Variants in SH3BGRL2 observed in about 807,000 individuals in gnomAD.
SH3BGRL2 encodes SH3 domain binding glutamate rich protein like 2.
In SH3BGRL2, 21 loss-of-function variants were observed where a neutral mutation model predicts 14.8. That is an observed-to-expected ratio of 1.42 (90% CI 1.01 to 2.05). SH3BGRL2 has a LOEUF of 2.05. Among genes scored for constraint, SH3BGRL2 ranks in the 30% most tolerant of loss-of-function variants. The pLI is 0.00. For synonymous variants in SH3BGRL2, 50 were observed against 47.8 expected, an observed-to-expected ratio of 1.05 and a Z score of -0.19; for missense variants, 147 against 130.8, an observed-to-expected ratio of 1.12 and a Z score of -0.61.
At chr6:79,686,988 A>G (rs569394140) in intron 2 of SH3BGRL2, among the ~76,000 whole-genome samples, 11 of 152,288 alleles carry the variant, frequency 7.2e-5, no homozygotes, top group Non-Finnish European at 1.5e-4. Context: ...GGGTGACCAC[A>G]GACTGTGCTG....
chr6:79,689,049 G>A (rs371032273), intron 2 of SH3BGRL2, among the ~76,000 whole-genome samples: 11 of 152,074 alleles, frequency 7.2e-5, no homozygotes, highest in Non-Finnish European at 1.2e-4. Context: ...AAAACATGGC[G>A]TGTCATTAAT....
At chr6:79,672,813 C>T (rs191771646) in intron 1 of SH3BGRL2, among the ~76,000 whole-genome samples, 2 of 152,210 alleles carry the variant, frequency 1.3e-5, no homozygotes, top group African/African-American at 4.8e-5. Flanking sequence ...TCCTCAAGAG[C>T]ACATCTGACC....
At chr6:79,655,288 C>T (rs1308130988) in intron 1 of SH3BGRL2, among the ~76,000 whole-genome samples, 3 of 152,098 alleles carry the variant, frequency 2.0e-5, no homozygotes, top group Non-Finnish European at 4.4e-5. Context: ...CGTGGTTCCC[C>T]TAAACTACTT....
the SH3BGRL2 span, among the ~76,000 whole-genome samples, chr6:79,572,657 G>A: frequency 6.6e-6 from 1 of 152,000 alleles, no homozygotes; most frequent in African/African-American, 2.4e-5. Flanking sequence ...AGCAGAGATG[G>A]GGTTTCACTG....
chr6:79,693,900 G>A (rs766685321), intron 2 of SH3BGRL2, among the ~76,000 whole-genome samples: 58 of 152,206 alleles, frequency 3.8e-4, no homozygotes, highest in Non-Finnish European at 7.2e-4. Context: ...GACCAACGTG[G>A]AAAAATTGAG....
At chr6:79,537,881 C>T in the SH3BGRL2 span, among the ~76,000 whole-genome samples, 1 of 152,042 alleles carries the variant, frequency 6.6e-6, no homozygotes, top group African/African-American at 2.4e-5. Flanking sequence ...CAGGAGGATG[C>T]GGGGTGAGTG....
At chr6:79,650,360 T>C (rs143841192) in intron 1 of SH3BGRL2, among the ~76,000 whole-genome samples, 7 of 152,218 alleles carry the variant, frequency 4.6e-5, no homozygotes, top group African/African-American at 1.7e-4. Context: ...AAAGTACCGA[T>C]GAGATGACCA....
chr6:79,641,353 C>G (rs1769031213), intron 1 of SH3BGRL2, among the ~76,000 whole-genome samples: 1 of 152,160 alleles, frequency 6.6e-6, no homozygotes, highest in Non-Finnish European at 1.5e-5. Context: ...TTATGAGAAA[C>G]AAACTGCTTA....
At chr6:79,565,894 C>A in the SH3BGRL2 span, among the ~76,000 whole-genome samples, 1 of 152,228 alleles carries the variant, frequency 6.6e-6, no homozygotes, top group Non-Finnish European at 1.5e-5. Context: ...TCAACTGCCA[C>A]AAGGCAGCCA....
chr6:79,650,854 T>A (rs931578653), intron 1 of SH3BGRL2, among the ~76,000 whole-genome samples: 1 of 151,518 alleles, frequency 6.6e-6, no homozygotes, highest in Non-Finnish European at 1.5e-5. Flanking sequence ...TTATGCCTAC[T>A]ATGGAAATGT....
At position 79,696,489 on chromosome 6, in the gene SH3BGRL2, A is replaced by G. The variant is rs781347863; in HGVS notation, c.236A>G (p.Tyr79Cys). The G allele has an allele frequency of 1.3e-6, 2 of 1,577,782 alleles. No homozygotes were observed. Reference protein sequence around the residue: ...IFNGDRYCGDYDSFFESKESN... With the variant: ...IFNGDRYCGDCDSFFESKESN... ...TCTGCTTCCCTTTTTTTCTAGGATTATGACAGTTTTTTTGAATCCAAGGAA... is the reference window on the plus strand; with the variant it reads ...TCTGCTTCCCTTTTTTTCTAGGATTGTGACAGTTTTTTTGAATCCAAGGAA... The change falls in exon 3 of 4, where the codon TAT (tyrosine) becomes TGT (cysteine). Residue 79 changes from tyrosine to cysteine, a missense_variant. Transcript: ENST00000369838.
At chr6:79,605,612 A>C in the SH3BGRL2 span, among the ~76,000 whole-genome samples, 1 of 152,194 alleles carries the variant, frequency 6.6e-6, no homozygotes, top group East Asian at 1.9e-4. Flanking sequence ...CCTAATTTCA[A>C]ATTTTAAGTG....
In SH3BGRL2 at chr6:79,682,966, T is replaced by C. The variant is rs180950837; in HGVS notation, c.231+9167T>C. Among the ~76,000 whole-genome samples the C allele has an allele frequency of 8.7e-4, 132 of 152,270 alleles. 1 individual carries two copies. The Middle Eastern group carries it at 0.044, about 51-fold the overall frequency. On this transcript the variant is annotated intron_variant, in intron 2 of 3. Transcript: ENST00000369838. The stretch of plus-strand genomic sequence containing the variant: ...ATCACAAGGACAGAAAACCGAACAC[T>C]GCATGTTCTCACTCATAGGTGGGAA...
chr6:79,693,861 A>G (rs1770278039), intron 2 of SH3BGRL2, among the ~76,000 whole-genome samples: 2 of 152,220 alleles, frequency 1.3e-5, no homozygotes, highest in Admixed American at 1.3e-4. Context: ...GTGCTGTTGC[A>G]GAAGTCTAGC....
chr6:79,680,053 T>C (rs1194844229), intron 2 of SH3BGRL2, among the ~76,000 whole-genome samples: 5 of 152,220 alleles, frequency 3.3e-5, no homozygotes, highest in African/African-American at 1.2e-4. Flanking sequence ...CTGTTGATTG[T>C]GTCCTTTGAT....
At chr6:79,631,898 G>A (rs1159089482) in intron 1 of SH3BGRL2, among the ~76,000 whole-genome samples, 2 of 152,312 alleles carry the variant, frequency 1.3e-5, no homozygotes, top group East Asian at 3.9e-4. Context: ...TTGCACGGGA[G>A]CCTTTTCTGC....
At chr6:79,648,277 T>TAA (rs1769186354) in intron 1 of SH3BGRL2, among the ~76,000 whole-genome samples, 1 of 129,912 alleles carries the variant, frequency 7.7e-6, no homozygotes, top group African/African-American at 3.0e-5. Context: ...TATATATATA[T>TAA]ATATATTTGA....
At chr6:79,606,282 G>A in the SH3BGRL2 span, among the ~76,000 whole-genome samples, 2 of 152,168 alleles carry the variant, frequency 1.3e-5, no homozygotes, top group Non-Finnish European at 2.9e-5. Flanking sequence ...TTTTAGGTTT[G>A]GGGTGGTGGG....
At chr6:79,637,240 C>A (rs1768943173) in intron 1 of SH3BGRL2, among the ~76,000 whole-genome samples, 1 of 152,122 alleles carries the variant, frequency 6.6e-6, no homozygotes, top group Non-Finnish European at 1.5e-5. Context: ...GCTTTTAATC[C>A]ATTCTTCAGT....
Sources: gnomAD v4.1 joint callset for allele counts (sites outside exome capture counted in the v4.1 genomes callset) on GRCh38, gnomAD v4.1.1 for gene constraint, MANE v1.5 for transcripts, NCBI Gene and HGNC (gene_info 2026-07-23, HGNC 2026-07-21) for gene names.